PSMD11: variants seen among roughly 807,000 people sequenced by gnomAD.
The protein encoded by PSMD11 is proteasome 26S subunit, non-ATPase 11, also known as 26S proteasome non-ATPase regulatory subunit 11.
Under a neutral mutation model 62.3 loss-of-function variants are expected in PSMD11, and 5 were observed. That is an observed-to-expected ratio of 0.08 (90% CI 0.04 to 0.17). PSMD11 has a LOEUF of 0.17. Ranked by LOEUF, PSMD11 falls within the 10% of genes least tolerant of loss-of-function variation. PSMD11 has a pLI of 1.00. For synonymous variants in PSMD11, 191 were observed against 191.8 expected (o/e 1.00, Z 0.03); for missense variants, 310 against 512.9 (o/e 0.60, Z 3.82).
At chr17:32,467,509 G>T (rs1195963613) in intron 5 of PSMD11, among the ~76,000 whole-genome samples, 1 of 152,190 alleles carries the variant, frequency 6.6e-6, no homozygotes, top group Non-Finnish European at 1.5e-5. Context: ...GCCTCCCAAA[G>T]TGCTGGGATT....
intron 2 of PSMD11, among the ~76,000 whole-genome samples, chr17:32,451,541 T>A (rs1171608952): frequency 1.3e-5 from 2 of 152,084 alleles, no homozygotes; most frequent in Non-Finnish European, 2.9e-5. Flanking sequence ...TTCAAGAGGG[T>A]AATGCAAAGA....
chr17:32,473,730 T>C, intron 6 of PSMD11, 71 bp from the exon 7 acceptor site: 1 of 1,535,404 alleles, frequency 6.5e-7, no homozygotes. Flanking sequence ...ATGTCTAAGC[T>C]GCCTCCCAGC....
chr17:32,448,606 C>G (rs1257300055), intron 2 of PSMD11, among the ~76,000 whole-genome samples: 3 of 152,042 alleles, frequency 2.0e-5, no homozygotes, highest in African/African-American at 7.3e-5. Flanking sequence ...CTCCTGACCT[C>G]AGGTGATCTA....
rs897097442 is a variant in PSMD11 at position 32,478,712 on chromosome 17, A to G, written c.913-539A>G. ...TCAGCATTTCCTATTCTTTAACCTC[A>G]ATGTTCTTTTTTTCCCCCCCATGGA... On this transcript the variant is annotated intron_variant, in intron 9 of 13. Transcript: ENST00000261712. 8.9e-4 allele frequency among the ~76,000 whole-genome samples: 136 copies of G among 152,170 alleles called. 1 individual carries two copies. Among genetic ancestry groups the G allele is most frequent in the Admixed American group, 1.6e-3 (25 of 15,290 alleles).
chr17:32,462,778 C>T (rs1028137235), intron 3 of PSMD11, among the ~76,000 whole-genome samples: 1 of 152,210 alleles, frequency 6.6e-6, no homozygotes, highest in Middle Eastern at 3.4e-3. Context: ...CCTCCACCTC[C>T]CAGGTTCAAG....
At chr17:32,475,331 CTT>C (rs530887191) in intron 8 of PSMD11, among the ~76,000 whole-genome samples, 6 of 143,354 alleles carry the variant, frequency 4.2e-5, no homozygotes, top group Admixed American at 7.0e-5. Flanking sequence ...AAAAGAGGCC[CTT>C]TTTTTTTTTT....
In PSMD11 at chr17:32,465,084, C is replaced by CT. The variant is rs933938104; in HGVS notation, c.448+517dup. On this transcript the variant is annotated intron_variant, in intron 5 of 13. Transcript: ENST00000261712. ...TTTAAACACCTTGAAATCTTCTCTG[C>CT]TTTTTTTTTTTAATCTATCTATCTA... Among the ~76,000 whole-genome samples the CT allele has an allele frequency of 7.1e-3, 1,019 of 143,846 alleles. 8 individuals carry two copies. The highest frequency in any genetic ancestry group is 0.02 in the African/African-American group (796 of 39,348). 94.4% of individuals were successfully genotyped at this position (143,846 alleles called of 152,430 possible).
chr17:32,475,867 G>A (rs764796124), intron 8 of PSMD11, among the ~76,000 whole-genome samples: 1 of 151,894 alleles, frequency 6.6e-6, no homozygotes, highest in Non-Finnish European at 1.5e-5. Context: ...TGCTGGGATT[G>A]TAGGTGTGAG....
Position 32,454,489 on chromosome 17 carries a change from C to G in PSMD11, c.194-6C>G, listed in dbSNP as rs199714157. 2 of 1,612,064 alleles carry G rather than the reference C, an allele frequency of 1.2e-6. No homozygotes were observed. Among genetic ancestry groups the G allele is most frequent in the Non-Finnish European group, 1.7e-6 (2 of 1,179,356 alleles). ...TACTCCTCTTTTTGAATTGCCTTTC[C>G]TACAGAGCTTGGAGGACTCCTGAAG... On this transcript the variant is annotated splice_region_variant and splice_polypyrimidine_tract_variant and intron_variant, in intron 2 of 13. Transcript: ENST00000261712.
At chr17:32,479,630 C>A (rs1275182465) in intron 10 of PSMD11, 4 of 705,740 alleles carry the variant, frequency 5.7e-6, no homozygotes, top group Non-Finnish European at 9.4e-6. Context: ...ATGTGTTGTA[C>A]CTGTTTTCTG....
chr17:32,472,303 A>T (rs567069853), intron 6 of PSMD11, among the ~76,000 whole-genome samples: 8 of 151,134 alleles, frequency 5.3e-5, no homozygotes, highest in African/African-American at 1.9e-4. Flanking sequence ...GCTCACTGCA[A>T]CCTCTACCTC....
chr17:32,467,257 T>TTTTG (rs1908021958), intron 5 of PSMD11, among the ~76,000 whole-genome samples: 1 of 136,276 alleles, frequency 7.3e-6, no homozygotes, highest in Non-Finnish European at 1.6e-5. Context: ...TTTTTTTTTT[T>TTTTG]TTTTTCTTGA....
intron 3 of PSMD11, among the ~76,000 whole-genome samples, chr17:32,459,117 TA>T (rs1907740136): frequency 1.5e-5 from 1 of 65,266 alleles, no homozygotes; most frequent in East Asian, 4.7e-3. Context: ...AAAAAATACA[TA>T]TATATATATA....
intron 6 of PSMD11, 90 bp from the exon 7 acceptor site, chr17:32,473,711 T>G: frequency 1.5e-6 from 2 of 1,376,718 alleles, no homozygotes; most frequent in Non-Finnish European, 2.0e-6. Flanking sequence ...ACCGTGCCCA[T>G]TTAGGTAGAT....
At chr17:32,474,449 A>G (rs950630253) in intron 7 of PSMD11, among the ~76,000 whole-genome samples, 5 of 152,258 alleles carry the variant, frequency 3.3e-5, no homozygotes, top group African/African-American at 1.2e-4. Context: ...CATAAGGGCT[A>G]TGTTTTAATA....
At chr17:32,447,669 T>C (rs184915429) in intron 2 of PSMD11, among the ~76,000 whole-genome samples, 1 of 152,232 alleles carries the variant, frequency 6.6e-6, no homozygotes, top group Admixed American at 6.5e-5. Context: ...ACCAGTAAAG[T>C]GGTAATAGTA....
At chr17:32,456,552 C>T (rs1346595875) in intron 3 of PSMD11, among the ~76,000 whole-genome samples, 2 of 151,132 alleles carry the variant, frequency 1.3e-5, no homozygotes, top group African/African-American at 2.4e-5. Flanking sequence ...TTTTTTGAGA[C>T]GGAGTCTCGC....
At chr17:32,444,809 G>A in intron 1 of PSMD11, 195 bp downstream of exon 1, 1 of 628,672 alleles carries the variant, frequency 1.6e-6, no homozygotes, top group Non-Finnish European at 2.6e-6. Context: ...AGGGCTTGAG[G>A]CAATCCCCGG....
intron 9 of PSMD11, 115 bp downstream of exon 9, chr17:32,477,698 A>G (rs1179554649): frequency 3.2e-6 from 3 of 941,554 alleles, no homozygotes; most frequent in Non-Finnish European, 4.8e-6. Context: ...AAATGATTCC[A>G]TGTATCCTTC....
Sources: gnomAD v4.1 joint callset for allele counts (sites outside exome capture counted in the v4.1 genomes callset) on GRCh38, gnomAD v4.1.1 for gene constraint, MANE v1.5 for transcripts, NCBI Gene and HGNC (gene_info 2026-07-23, HGNC 2026-07-21) for gene names.